The following PTPN21 variants were observed in gnomAD, a reference collection of about 807,000 sequenced individuals.
The protein encoded by PTPN21 is tyrosine-protein phosphatase non-receptor type 21.
A neutral mutation model predicts 131.8 loss-of-function variants in PTPN21; 77 were observed. That is an observed-to-expected ratio of 0.58 (90% CI 0.49 to 0.71). The LOEUF (loss-of-function observed/expected upper bound fraction) is 0.71, where lower values mean the gene tolerates loss of function less well. Ranked by LOEUF, PTPN21 falls within the 30% of genes least tolerant of loss-of-function variation. The probability of loss-of-function intolerance (pLI) is 0.00; values close to 1 mark genes in which losing one functional copy is unlikely to be tolerated. For synonymous variants in PTPN21, 715 were observed against 621.3 expected, an observed-to-expected ratio of 1.15 and a Z score of -2.24; for missense variants, 1,552 against 1,527.1, an observed-to-expected ratio of 1.02 and a Z score of -0.27.
At chr14:88,518,409 TATA>T in intron 2 of PTPN21, among the ~76,000 whole-genome samples, 2 of 21,628 alleles carry the variant, frequency 9.2e-5, no homozygotes, top group African/African-American at 1.2e-4. Context: ...TATATATATA[TATA>T]TATTTTTTTT....
intron 2 of PTPN21, among the ~76,000 whole-genome samples, chr14:88,521,149 C>A (rs73317747): frequency 6.4e-4 from 97 of 152,018 alleles, no homozygotes; most frequent in African/African-American, 2.3e-3. Flanking sequence ...AGCCTGAAAA[C>A]CACTATATTT....
chr14:88,486,490 A>G (rs760461295), intron 10 of PTPN21, among the ~76,000 whole-genome samples: 1 of 152,144 alleles, frequency 6.6e-6, no homozygotes, highest in Non-Finnish European at 1.5e-5. Flanking sequence ...ACCAGCCTAG[A>G]CAACATAGTG....
rs2077360671 is a variant in PTPN21, at chr14:88,466,221, T to TTTACAAAATTTACATTTTGTTC, written c.*1894_*1915dup. 1 of 152,206 alleles carries TTTACAAAATTTACATTTTGTTC rather than the reference T, an allele frequency of 6.6e-6. No individual in the cohort carries two copies. Among genetic ancestry groups the TTTACAAAATTTACATTTTGTTC allele is most frequent in the Admixed American group, 6.5e-5 (1 of 15,280 alleles). 9.4% of individuals were successfully genotyped at this position (152,206 alleles called of 1,614,324 possible). A position where few individuals can be genotyped will look rare whatever the true frequency, so the allele number is the denominator to read the frequency against. On this transcript the variant is annotated 3_prime_UTR_variant, in exon 19 of 19. Coordinates refer to ENST00000556564, the MANE Select transcript of PTPN21 (RefSeq NM_007039.4). ...ACAGGACTTTAAAAAGAATTTTGTA[T>TTTACAAAATTTACATTTTGTTC]TTACAAAATTTACATTTTGTTCCTA...
chr14:88,468,221 T>C lies in PTPN21; in HGVS notation c.3441A>G (p.Arg1147=). The change falls in exon 19 of 19, where the codon AGA becomes AGG. Residue 1147 remains arginine (R), a synonymous_variant. Coordinates refer to ENST00000556564, the MANE Select transcript of PTPN21 (RefSeq NM_007039.4). Reference sequence around the variant, plus strand: ...GGCAGAGAGTCTGCACCAGCATCATTCTCTGTTGCCTCAGCATGTCCAGCA... The same window carrying C: ...GGCAGAGAGTCTGCACCAGCATCATCCTCTGTTGCCTCAGCATGTCCAGCA... The part of the protein sequence containing the change: ...PRVLDMLRQQ[R]MMLVQTLCQY... The C allele has an allele frequency of 6.2e-7, 1 of 1,610,546 alleles. No individual in the cohort carries two copies. Among genetic ancestry groups the C allele is most frequent in the Admixed American group, 1.7e-5 (1 of 59,754 alleles).
At chr14:88,481,889 A>G (rs558062771) in intron 12 of PTPN21, among the ~76,000 whole-genome samples, 1 of 152,292 alleles carries the variant, frequency 6.6e-6, no homozygotes, top group East Asian at 1.9e-4. Flanking sequence ...TGGTCAAGGG[A>G]AAGTGCACAG....
At chr14:88,514,286 A>C (rs2078228734) in intron 3 of PTPN21, among the ~76,000 whole-genome samples, 1 of 152,102 alleles carries the variant, frequency 6.6e-6, no homozygotes, top group Non-Finnish European at 1.5e-5. Flanking sequence ...ATTATTCCCA[A>C]GCTTTTCTAA....
intron 13 of PTPN21, among the ~76,000 whole-genome samples, chr14:88,474,691 C>G (rs1451411157): frequency 1.3e-5 from 2 of 152,132 alleles, no homozygotes; most frequent in South Asian, 2.1e-4. Context: ...GCTAAAATCT[C>G]CATCATGACA....
Position 88,550,422 on chromosome 14 carries a change from T to C in PTPN21, c.-5A>G. 1.2e-6 allele frequency: 2 copies of C among 1,612,878 alleles called. No homozygotes were observed. The highest frequency in any genetic ancestry group is 1.3e-5 in the African/African-American group (1 of 75,008). ...CAACCCAAATGGCAGTGGCATCTTC[T>C]TCTTTCTTCAAGAATGGAGGAGCAA... On this transcript the variant is annotated 5_prime_UTR_variant, in exon 2 of 19. Coordinates refer to ENST00000556564, the MANE Select transcript of PTPN21 (RefSeq NM_007039.4).
intron 4 of PTPN21, among the ~76,000 whole-genome samples, chr14:88,506,498 G>C (rs998293937): frequency 1.9e-4 from 29 of 151,992 alleles, no homozygotes; most frequent in Admixed American, 2.0e-4. Flanking sequence ...GGCTGGTCTC[G>C]AACTCCTGGA....
chr14:88,514,969 AATTCCTACCCC>A (rs1212362573), intron 3 of PTPN21: 1 of 152,124 alleles, frequency 6.6e-6, no homozygotes, highest in Non-Finnish European at 1.5e-5. Flanking sequence ...CTTTCTCTCC[AATTCCTACCCC>A]ATTCCTAGGA....
At chr14:88,514,998 C>T (rs1213102263) in intron 3 of PTPN21, 1 of 152,132 alleles carries the variant, frequency 6.6e-6, no homozygotes, top group Non-Finnish European at 1.5e-5. Flanking sequence ...GGAAACCACT[C>T]ATCTGCTTTC....
At chr14:88,520,788 T>C (rs1311314113) in intron 2 of PTPN21, among the ~76,000 whole-genome samples, 1 of 152,216 alleles carries the variant, frequency 6.6e-6, no homozygotes, top group Non-Finnish European at 1.5e-5. Flanking sequence ...CTCACAATCC[T>C]GTCATGAGGA....
chr14:88,507,946 T>C lies in PTPN21; in HGVS notation c.425A>G (p.Gln142Arg), dbSNP rs138752198. The change falls in exon 4 of 19, where the codon CAG becomes CGG. Residue 142 changes from glutamine (Q) to arginine (R), a missense_variant. Coordinates refer to ENST00000556564, the MANE Select transcript of PTPN21 (RefSeq NM_007039.4). ...ACCTTGAACAGCTAAGCCTGCTAGC[T>C]GAATTGCTTGTTCTAAGGTACAAGG... Reference protein sequence around the residue: ...SIPCTLEQAIQLAGLAVQADF... With the variant: ...SIPCTLEQAIRLAGLAVQADF... 5.3e-4 allele frequency: 850 copies of C among 1,604,852 alleles called. 1 individual carries two copies. The highest frequency in any genetic ancestry group is 6.5e-4 in the Non-Finnish European group (763 of 1,174,592).
At chr14:88,553,058 CTT>C (rs1402205248) in intron 1 of PTPN21, among the ~76,000 whole-genome samples, 2 of 152,136 alleles carry the variant, frequency 1.3e-5, no homozygotes, top group Non-Finnish European at 2.9e-5. Context: ...ATATGGTAGT[CTT>C]TTCACTACAT....
chr14:88,539,857 C>G (rs1379246789), intron 2 of PTPN21, among the ~76,000 whole-genome samples: 1 of 152,118 alleles, frequency 6.6e-6, no homozygotes, highest in Non-Finnish European at 1.5e-5. Context: ...TGTTATCATA[C>G]TGTATGGTTT....
Position 88,497,232 on chromosome 14 carries a change from T to C in PTPN21, c.823A>G (p.Asn275Asp). 1 of 1,612,548 alleles carries C rather than the reference T, an allele frequency of 6.2e-7. No homozygotes were observed. Among genetic ancestry groups the C allele is most frequent in the South Asian group, 1.1e-5 (1 of 91,046 alleles). ...TGAAATTGAATGGTCTCCTCTTTAT[T>C]TGCCAGCTCTAATGCAAAAAAGGAC... Reference protein sequence around the residue: ...NKSFFALELANKEETIQFQTE... With the variant: ...NKSFFALELADKEETIQFQTE... The change falls in exon 9 of 19, where the codon AAT (asparagine) becomes GAT (aspartate). Residue 275 changes from asparagine to aspartate, a missense_variant. Transcript: ENST00000556564.
chr14:88,528,756 T>C (rs1416070043), intron 2 of PTPN21, among the ~76,000 whole-genome samples: 2 of 152,352 alleles, frequency 1.3e-5, no homozygotes, highest in African/African-American at 2.4e-5. Context: ...TTCCCAACCA[T>C]GTGGAACTGT....
At chr14:88,500,238 C>T (rs1006471111) in intron 8 of PTPN21, among the ~76,000 whole-genome samples, 1 of 152,124 alleles carries the variant, frequency 6.6e-6, no homozygotes, top group African/African-American at 2.4e-5. Context: ...TTGAGACTAG[C>T]CTGGGCAACA....
intron 2 of PTPN21, among the ~76,000 whole-genome samples, chr14:88,533,837 C>A (rs922398329): frequency 6.6e-6 from 1 of 152,094 alleles, no homozygotes; most frequent in Non-Finnish European, 1.5e-5. Flanking sequence ...AGCCACTGCA[C>A]TACAGCCTGG....
Sources: gnomAD v4.1 joint callset for allele counts (sites outside exome capture counted in the v4.1 genomes callset) on GRCh38, gnomAD v4.1.1 for gene constraint, MANE v1.5 for transcripts, NCBI Gene and HGNC (gene_info 2026-07-23, HGNC 2026-07-21) for gene names.